Variants in DACH2 observed in about 807,000 individuals in gnomAD.
The protein encoded by DACH2 is dachshund homolog 2.
A neutral mutation model predicts 35.8 loss-of-function variants in DACH2; 17 were observed. The ratio of observed to expected loss-of-function variants is 0.48; its 90% CI spans 0.33 to 0.71. The LOEUF (loss-of-function observed/expected upper bound fraction) is 0.71, where lower values mean the gene tolerates loss of function less well. DACH2 is among the 30% of genes least tolerant of loss of function. DACH2 has a pLI of 0.02. For synonymous variants in DACH2, 195 were observed against 177.3 expected (o/e 1.10, Z -0.79); for missense variants, 469 against 472.7 (o/e 0.99, Z 0.07).
At chrX:86,494,236 A>G (rs1231066577) in intron 2 of DACH2, among the ~76,000 whole-genome samples, 2 of 112,067 alleles carry the variant, frequency 1.8e-5, no homozygotes, top group African/African-American at 6.5e-5. Context: ...AAATGAAGGA[A>G]AGTTGCAGGG....
intron 5 of DACH2, among the ~76,000 whole-genome samples, chrX:86,708,531 A>C (rs1040031432): frequency 9.1e-6 from 1 of 109,643 alleles, no homozygotes; most frequent in Non-Finnish European, 1.9e-5. Context: ...ATCTTAAGTG[A>C]AACAACTCTG....
chrX:86,390,204 T>C (rs2036179967), intron 2 of DACH2, among the ~76,000 whole-genome samples: 1 of 112,317 alleles, frequency 8.9e-6, no homozygotes, highest in Non-Finnish European at 1.9e-5. Context: ...ACATCTCTGC[T>C]AAACTAATTT....
intron 1 of DACH2, among the ~76,000 whole-genome samples, chrX:86,253,770 G>A (rs762728846): frequency 3.4e-3 from 386 of 111,910 alleles, no homozygotes; most frequent in Admixed American, 5.0e-3. Context: ...ACTCTGGGAT[G>A]TAAGAGAAGA....
intron 2 of DACH2, among the ~76,000 whole-genome samples, chrX:86,494,662 C>T (rs2038141006): frequency 8.9e-6 from 1 of 112,057 alleles, no homozygotes; most frequent in African/African-American, 3.2e-5. Flanking sequence ...TGGTATAAAC[C>T]ACTGTGCATA....
chrX:86,416,794 G>A (rs1452279669), intron 2 of DACH2, among the ~76,000 whole-genome samples: 3 of 110,232 alleles, frequency 2.7e-5, no homozygotes, highest in African/African-American at 9.9e-5. Flanking sequence ...TGCCAGGGAC[G>A]TTTTAACAGT....
intron 7 of DACH2, among the ~76,000 whole-genome samples, chrX:86,745,140 T>C (rs746619859): frequency 5.4e-5 from 6 of 111,761 alleles, no homozygotes; most frequent in Admixed American, 9.5e-5. Context: ...CCCAAGAATT[T>C]AGCCCATTGA....
At chrX:86,277,271 T>C (rs1461560073) in intron 1 of DACH2, among the ~76,000 whole-genome samples, 5 of 111,914 alleles carry the variant, frequency 4.5e-5, no homozygotes, top group Non-Finnish European at 7.5e-5. Flanking sequence ...AGGTATTTAA[T>C]TTTATTTGTG....
chrX:86,237,772 C>T (rs1261559019), intron 1 of DACH2, among the ~76,000 whole-genome samples: 1 of 111,966 alleles, frequency 8.9e-6, no homozygotes, highest in African/African-American at 3.2e-5. Context: ...CAGGCACTGG[C>T]ATGGACACTG....
intron 4 of DACH2, among the ~76,000 whole-genome samples, chrX:86,667,541 G>GAA (rs2040702857): frequency 2.2e-5 from 1 of 45,601 alleles, no homozygotes; most frequent in Non-Finnish European, 3.8e-5. Flanking sequence ...AAGAAAGAAA[G>GAA]AAAGAAGAAA....
chrX:86,336,654 A>T (rs2035316437), intron 1 of DACH2, among the ~76,000 whole-genome samples: 1 of 111,442 alleles, frequency 9.0e-6, no homozygotes, highest in African/African-American at 3.3e-5. Context: ...TCTAAAAACC[A>T]GAATGCCTCT....
At chrX:86,725,590 T>C (rs1415084269) in intron 6 of DACH2, among the ~76,000 whole-genome samples, 3 of 111,255 alleles carry the variant, frequency 2.7e-5, no homozygotes, top group Non-Finnish European at 3.8e-5. Context: ...GCAGCTTACA[T>C]AGGCACCAGT....
rs34700295 is a variant in DACH2, at chrX:86,802,528, G to GA, written c.1241-10305dup. Among the ~76,000 whole-genome samples, 347 of 63,107 alleles carry GA rather than the reference G, an allele frequency of 5.5e-3. 3 individuals carry two copies. The highest frequency in any genetic ancestry group is 0.012 in the East Asian group (19 of 1,521). The allele number at this position is 63,107 out of a possible 115,157, so 54.8% of individuals were successfully genotyped here. The stretch of plus-strand genomic sequence containing the variant: ...AAGAAGAGAAGTTTCTTTCTTGGTT[G>GA]AAAAAAAAAAAAAAAAAAAAAAAGA... On this transcript the variant is annotated intron_variant, in intron 7 of 11. Coordinates refer to ENST00000373125, the MANE Select transcript of DACH2 (RefSeq NM_053281.3).
intron 2 of DACH2, among the ~76,000 whole-genome samples, chrX:86,420,507 T>C (rs889995502): frequency 9.1e-6 from 1 of 109,982 alleles, no homozygotes; most frequent in African/African-American, 3.3e-5. Flanking sequence ...ATAGGTACTG[T>C]GCATGTACTT....
At chrX:86,795,990 C>G (rs1771419683) in intron 7 of DACH2, among the ~76,000 whole-genome samples, 1 of 111,522 alleles carries the variant, frequency 9.0e-6, no homozygotes, top group Non-Finnish European at 1.9e-5. Flanking sequence ...TTGTGAAGAG[C>G]GAAAGAACAA....
chrX:86,615,453 G>A (rs962674978), intron 3 of DACH2, among the ~76,000 whole-genome samples: 3 of 111,355 alleles, frequency 2.7e-5, no homozygotes, highest in African/African-American at 6.5e-5. Flanking sequence ...CCTTGGTCTG[G>A]TGGCAGAACT....
intron 6 of DACH2, among the ~76,000 whole-genome samples, chrX:86,726,364 G>C (rs2041469791): frequency 9.0e-6 from 1 of 111,553 alleles, no homozygotes; most frequent in Non-Finnish European, 1.9e-5. Context: ...TGCACCAGGT[G>C]TGGGCCCATA....
At chrX:86,400,976 G>A (rs1375968450) in intron 2 of DACH2, among the ~76,000 whole-genome samples, 1 of 112,550 alleles carries the variant, frequency 8.9e-6, no homozygotes, top group Non-Finnish European at 1.9e-5. Context: ...TGCACCCAGA[G>A]GTGGAGCCTA....
Position 86,289,600 on chromosome X carries a change from T to G in DACH2, c.489-87224T>G, listed in dbSNP as rs868281464. ...CCCCACCCCACAACAGTCCCCAGAG[T>G]GTGATGTTCCCCTTCCTGTGTCCAT... On this transcript the variant is annotated intron_variant, in intron 1 of 11. Transcript: ENST00000373125. Among the ~76,000 whole-genome samples, 164 of 73,443 alleles carry G rather than the reference T, an allele frequency of 2.2e-3. 1 individual carries two copies. Among genetic ancestry groups the G allele is most frequent in the African/African-American group, 8.3e-3 (149 of 17,851 alleles). 63.8% of individuals were successfully genotyped at this position (73,443 alleles called of 115,157 possible).
At chrX:86,317,294 T>G (rs1447643414) in intron 1 of DACH2, among the ~76,000 whole-genome samples, 1 of 111,084 alleles carries the variant, frequency 9.0e-6, no homozygotes, top group Non-Finnish European at 1.9e-5. Context: ...TCAGCTTCCT[T>G]GGTCTTACTT....
Sources: gnomAD v4.1 joint callset for allele counts (sites outside exome capture counted in the v4.1 genomes callset) on GRCh38, gnomAD v4.1.1 for gene constraint, MANE v1.5 for transcripts, NCBI Gene and HGNC (gene_info 2026-07-23, HGNC 2026-07-21) for gene names.